Variants in KIAA0586 observed in about 807,000 individuals in gnomAD.
KIAA0586 encodes protein TALPID3.
KIAA0586 carries 144 observed loss-of-function variants against 169.8 expected under a neutral mutation model. The ratio of observed to expected loss-of-function variants is 0.85; its 90% CI spans 0.74 to 0.97. The LOEUF is 0.97. KIAA0586 is among the 50% of genes least tolerant of loss of function. The pLI, the probability that KIAA0586 is intolerant of heterozygous loss-of-function variation, is 0.00. For missense variants in KIAA0586, 1,854 were observed against 1,823.0 expected (o/e 1.02, Z -0.31); for synonymous variants, 625 against 612.4 (o/e 1.02, Z -0.30).
intron 30 of KIAA0586, chr14:58,543,820 C>T (rs1418956099): frequency 4.6e-6 from 2 of 434,430 alleles, no homozygotes; most frequent in South Asian, 1.7e-5. Flanking sequence ...TCTCCCGTCT[C>T]TCTATTTTCC....
At chr14:58,460,718 G>A (rs1291853483) in intron 13 of KIAA0586, among the ~76,000 whole-genome samples, 3 of 152,006 alleles carry the variant, frequency 2.0e-5, no homozygotes, top group Admixed American at 2.0e-4. Context: ...TGTAAAATGT[G>A]TTTAAATGTT....
intron 18 of KIAA0586, among the ~76,000 whole-genome samples, chr14:58,472,600 T>C (rs1231281478): frequency 6.6e-6 from 1 of 151,950 alleles, no homozygotes; most frequent in Non-Finnish European, 1.5e-5. Flanking sequence ...TCTGTTAATT[T>C]TGGTTTTTGG....
intron 28 of KIAA0586, 41 bp from the exon 29 acceptor site, chr14:58,512,481 C>G: frequency 9.0e-7 from 1 of 1,107,426 alleles, no homozygotes; most frequent in East Asian, 3.1e-5. Flanking sequence ...TTTTAAGTAA[C>G]TAAAAAATAA....
chr14:58,525,106 C>A (rs932779385), intron 29 of KIAA0586, among the ~76,000 whole-genome samples: 2 of 152,022 alleles, frequency 1.3e-5, no homozygotes, highest in African/African-American at 4.8e-5. Context: ...AGGAAATGAA[C>A]CTATATTTGT....
intron 25 of KIAA0586, among the ~76,000 whole-genome samples, chr14:58,490,989 T>TA (rs1455178556): frequency 6.6e-6 from 1 of 152,188 alleles, no homozygotes; most frequent in East Asian, 1.9e-4. Flanking sequence ...AAACAATTTT[T>TA]AAACAGTAAT....
intron 7 of KIAA0586, among the ~76,000 whole-genome samples, chr14:58,449,651 T>A (rs2039188056): frequency 6.6e-6 from 1 of 152,224 alleles, no homozygotes; most frequent in African/African-American, 2.4e-5. Context: ...CAAGGTTACC[T>A]GACTTGGGAG....
intron 7 of KIAA0586, among the ~76,000 whole-genome samples, chr14:58,449,629 G>A (rs2039186011): frequency 6.6e-6 from 1 of 152,212 alleles, no homozygotes; most frequent in South Asian, 2.1e-4. Flanking sequence ...AGAATGGTGT[G>A]ACTTGCCTGC....
At chr14:58,482,254 C>G (rs1397971300) in intron 20 of KIAA0586, among the ~76,000 whole-genome samples, 2 of 151,758 alleles carry the variant, frequency 1.3e-5, no homozygotes, top group African/African-American at 4.8e-5. Context: ...GGTGAAACCC[C>G]ATCTCTACTA....
At chr14:58,521,814 A>G (rs1038832507) in intron 29 of KIAA0586, 17 of 828,466 alleles carry the variant, frequency 2.1e-5, no homozygotes, top group Non-Finnish European at 3.4e-5. Context: ...GAAAGATGAG[A>G]CTAATGTGAA....
At chr14:58,453,935 T>G (rs1195583579) in intron 9 of KIAA0586, among the ~76,000 whole-genome samples, 1 of 152,176 alleles carries the variant, frequency 6.6e-6, no homozygotes, top group Non-Finnish European at 1.5e-5. Context: ...GATAATTATA[T>G]TTATCTTCAA....
chr14:58,429,236 G>T, intron 1 of KIAA0586, 127 bp from the exon 2 acceptor site: 5 of 583,370 alleles, frequency 8.6e-6, no homozygotes, highest in South Asian at 5.2e-5. Context: ...AACTTTTTTT[G>T]CATGCAAATT....
intron 10 of KIAA0586, among the ~76,000 whole-genome samples, chr14:58,457,132 C>T (rs781031666): frequency 1.8e-4 from 27 of 152,220 alleles, no homozygotes; most frequent in Non-Finnish European, 7.3e-5. Flanking sequence ...TTCTTCCATA[C>T]ATAAAGAGCC....
downstream of KIAA0586, among the ~76,000 whole-genome samples, chr14:58,554,344 A>T (rs2047232452): frequency 6.6e-6 from 1 of 152,184 alleles, no homozygotes; most frequent in African/African-American, 2.4e-5. Flanking sequence ...CAACTTAAAA[A>T]ACATTGATTT....
chr14:58,476,489 T>C (rs1459780605), intron 19 of KIAA0586, among the ~76,000 whole-genome samples: 1 of 152,122 alleles, frequency 6.6e-6, no homozygotes, highest in Non-Finnish European at 1.5e-5. Context: ...GCACTCAGAG[T>C]GGAAATCAAA....
chr14:58,542,750 A>G (rs2046722402), intron 30 of KIAA0586, among the ~76,000 whole-genome samples: 1 of 152,126 alleles, frequency 6.6e-6, no homozygotes, highest in Non-Finnish European at 1.5e-5. Flanking sequence ...TGGCTTTCCA[A>G]TTACATAAAA....
At position 58,488,889 on chromosome 14, in the gene KIAA0586, A is replaced by G; in HGVS notation, c.3781+15A>G. The G allele has an allele frequency of 6.2e-7, 1 of 1,609,888 alleles. No homozygotes were observed. Among genetic ancestry groups the G allele is most frequent in the South Asian group, 1.1e-5 (1 of 90,570 alleles). The stretch of plus-strand genomic sequence containing the variant: ...GGCCCCCAAGAGTAAGTTAATTTGT[A>G]TTAGTTGATTTTACTTGTTAGATTA... On this transcript the variant is annotated intron_variant, in intron 24 of 30. Transcript: ENST00000652326.
intron 27 of KIAA0586, among the ~76,000 whole-genome samples, chr14:58,507,666 T>C (rs2044096784): frequency 6.6e-6 from 1 of 152,114 alleles, no homozygotes. Flanking sequence ...AATGTACTCA[T>C]ATATGAAAGT....
At chr14:58,467,346 C>G (rs1385153128) in intron 15 of KIAA0586, among the ~76,000 whole-genome samples, 1 of 152,194 alleles carries the variant, frequency 6.6e-6, no homozygotes, top group African/African-American at 2.4e-5. Flanking sequence ...GATTCAAACC[C>G]AGGCAGAGGC....
chr14:58,536,950 C>A, intron 29 of KIAA0586: 1 of 1,071,802 alleles, frequency 9.3e-7, no homozygotes, highest in Non-Finnish European at 1.2e-6. Flanking sequence ...TCAAATAATT[C>A]CAAAATTTTC....
Sources: allele counts gnomAD v4.1 joint callset (sites outside exome capture counted in the v4.1 genomes callset), GRCh38; gene constraint gnomAD v4.1.1; transcripts MANE v1.5; gene names NCBI Gene and HGNC (gene_info 2026-07-23, HGNC 2026-07-21).